Variants in CTNNA2 observed in about 807,000 individuals in gnomAD.
The protein encoded by CTNNA2 is catenin alpha-2.
A neutral mutation model predicts 101.0 loss-of-function variants in CTNNA2; 42 were observed. The ratio of observed to expected loss-of-function variants is 0.42; its 90% CI spans 0.32 to 0.54. The LOEUF is 0.54. Among genes scored for constraint, CTNNA2 ranks in the 20% least tolerant of loss-of-function variants. CTNNA2 has a pLI of 0.14. For missense variants in CTNNA2, 871 were observed against 1,223.1 expected (o/e 0.71, Z 4.29); for synonymous variants, 450 against 456.4 (o/e 0.99, Z 0.18).
rs201027482 is a variant in CTNNA2 at position 79,889,823 on chromosome 2, T to C, written c.852+15481T>C. Among the ~76,000 whole-genome samples the C allele has an allele frequency of 1.2e-4, 18 of 151,988 alleles. No homozygotes were observed. In the East Asian group the frequency reaches 2.1e-3, roughly 18 times the overall value. ...GAAAAGTTGTTATGCCACTGGAGAG[T>C]AGCTATTGATATTATAATGTCATTT... On this transcript the variant is annotated intron_variant, in intron 6 of 18. Transcript: ENST00000402739.
At chr2:80,524,206 C>A (rs1553541776) in intron 9 of CTNNA2, among the ~76,000 whole-genome samples, 1 of 152,086 alleles carries the variant, frequency 6.6e-6, no homozygotes, top group Non-Finnish European at 1.5e-5. Context: ...TTTAGGTGAT[C>A]AGGGGAGATG....
At chr2:79,224,665 C>A (rs531662773) in intron 2 of CTNNA2, among the ~76,000 whole-genome samples, 5 of 152,104 alleles carry the variant, frequency 3.3e-5, no homozygotes, top group African/African-American at 1.2e-4. Context: ...AACATATACA[C>A]CTGTGCAAGC....
chr2:80,016,224 A>G (rs80333655), intron 7 of CTNNA2, among the ~76,000 whole-genome samples: 289 of 152,376 alleles, frequency 1.9e-3, no homozygotes, highest in African/African-American at 6.5e-3. Flanking sequence ...TTTAAGGGCA[A>G]CAAGTAAGTG....
intron 7 of CTNNA2, among the ~76,000 whole-genome samples, chr2:80,116,851 G>A (rs187945081): frequency 1.3e-4 from 19 of 151,378 alleles, no homozygotes; most frequent in Admixed American, 1.2e-3. Context: ...ACTGTGGAAA[G>A]CACTAATACA....
At chr2:79,324,128 C>A (rs1203717178) in intron 3 of CTNNA2, among the ~76,000 whole-genome samples, 6 of 152,128 alleles carry the variant, frequency 3.9e-5, no homozygotes, top group African/African-American at 7.2e-5. Context: ...TTATAAAATT[C>A]TTTTGATGGC....
intron 7 of CTNNA2, among the ~76,000 whole-genome samples, chr2:80,293,051 T>G (rs1198935657): frequency 6.6e-6 from 1 of 152,118 alleles, no homozygotes; most frequent in African/African-American, 2.4e-5. Context: ...TTTAATAAAA[T>G]AAAAGAAACA....
At chr2:80,056,982 T>A (rs957827472) in intron 7 of CTNNA2, among the ~76,000 whole-genome samples, 1 of 152,328 alleles carries the variant, frequency 6.6e-6, no homozygotes, top group Middle Eastern at 3.4e-3. Flanking sequence ...TGGTTAGTTG[T>A]ATGAGAATTT....
intron 7 of CTNNA2, among the ~76,000 whole-genome samples, chr2:80,283,004 T>C (rs1674503791): frequency 6.6e-6 from 1 of 152,106 alleles, no homozygotes; most frequent in African/African-American, 2.4e-5. Context: ...AATTTTTCTT[T>C]AAAAGGGAAG....
chr2:79,314,702 C>T (rs145856849), intron 3 of CTNNA2, among the ~76,000 whole-genome samples: 6 of 152,146 alleles, frequency 3.9e-5, no homozygotes, highest in Non-Finnish European at 7.4e-5. Context: ...TTCCTTGGGG[C>T]CCCATTTTGG....
intron 9 of CTNNA2, among the ~76,000 whole-genome samples, chr2:80,535,273 G>T (rs909595092): frequency 2.0e-5 from 3 of 152,072 alleles, no homozygotes; most frequent in Admixed American, 6.6e-5. Context: ...TATTTTACTT[G>T]TATCTTCCAT....
chr2:79,860,669 A>G (rs1558589236), intron 4 of CTNNA2, among the ~76,000 whole-genome samples: 1 of 151,062 alleles, frequency 6.6e-6, no homozygotes, highest in Non-Finnish European at 1.5e-5. Context: ...TAAATAACAC[A>G]TTTGTTCTAC....
At chr2:79,907,972 A>C (rs1316932836) in intron 6 of CTNNA2, among the ~76,000 whole-genome samples, 1 of 152,156 alleles carries the variant, frequency 6.6e-6, no homozygotes, top group Non-Finnish European at 1.5e-5. Flanking sequence ...GGAGATTTGC[A>C]TTTTAACAGG....
At chr2:79,869,009 A>C (rs1250320275) in intron 4 of CTNNA2, among the ~76,000 whole-genome samples, 2 of 152,222 alleles carry the variant, frequency 1.3e-5, no homozygotes, top group African/African-American at 4.8e-5. Context: ...CAATTGTGGA[A>C]ATTTTCATAC....
chr2:79,306,889 A>G (rs1446562269), intron 2 of CTNNA2, among the ~76,000 whole-genome samples: 5 of 152,156 alleles, frequency 3.3e-5, no homozygotes, highest in African/African-American at 1.2e-4. Flanking sequence ...ACATCTCTAC[A>G]TGTGCATTAG....
chr2:80,579,696 G>C (rs181000678), intron 13 of CTNNA2, among the ~76,000 whole-genome samples: 1 of 152,192 alleles, frequency 6.6e-6, no homozygotes, highest in Non-Finnish European at 1.5e-5. Flanking sequence ...GATGGTGAGA[G>C]AGAAGGAAAA....
chr2:79,357,620 C>CA (rs1374494968), intron 3 of CTNNA2, among the ~76,000 whole-genome samples: 1 of 152,012 alleles, frequency 6.6e-6, no homozygotes, highest in Non-Finnish European at 1.5e-5. Context: ...ACCAAAGACT[C>CA]AAGAATCATT....
chr2:79,703,419 C>A (rs540421019), intron 2 of CTNNA2, among the ~76,000 whole-genome samples: 44 of 152,126 alleles, frequency 2.9e-4, no homozygotes, highest in Non-Finnish European at 4.9e-4. Flanking sequence ...TGAACATTTT[C>A]TTATCGCTTA....
intron 2 of CTNNA2, among the ~76,000 whole-genome samples, chr2:79,288,110 G>T (rs574894185): frequency 2.0e-5 from 3 of 152,186 alleles, no homozygotes; most frequent in African/African-American, 2.4e-5. Flanking sequence ...TTCACCTCGC[G>T]CATGGTGCGC....
At chr2:80,203,727 C>T (rs1009448126) in intron 7 of CTNNA2, among the ~76,000 whole-genome samples, 10 of 152,182 alleles carry the variant, frequency 6.6e-5, no homozygotes, top group African/African-American at 2.4e-4. Context: ...AGGATGGTGG[C>T]CCTCTTCTCA....
Sources: gnomAD v4.1 joint callset for allele counts (sites outside exome capture counted in the v4.1 genomes callset) on GRCh38, gnomAD v4.1.1 for gene constraint, MANE v1.5 for transcripts, NCBI Gene and HGNC (gene_info 2026-07-23, HGNC 2026-07-21) for gene names.